ANO6: variants seen among roughly 807,000 people sequenced by gnomAD.
ANO6 encodes the protein anoctamin 6, also known as anoctamin-6.
ANO6 carries 106 observed loss-of-function variants against 117.5 expected under a neutral mutation model. That is an observed-to-expected ratio of 0.90 (90% CI 0.77 to 1.06). ANO6 has a LOEUF of 1.06. Ranked by LOEUF, ANO6 falls within the 50% of genes least tolerant of loss-of-function variation. The pLI, the probability that ANO6 is intolerant of heterozygous loss-of-function variation, is 0.00. For synonymous variants in ANO6, 367 were observed against 385.1 expected, an observed-to-expected ratio of 0.95 and a Z score of 0.55; for missense variants, 955 against 1,121.1, an observed-to-expected ratio of 0.85 and a Z score of 2.12.
At chr12:45,400,505 A>C (rs187741884) in intron 12 of ANO6, among the ~76,000 whole-genome samples, 65 of 152,298 alleles carry the variant, frequency 4.3e-4, no homozygotes, top group African/African-American at 1.3e-3. Flanking sequence ...AGCAAGAAAA[A>C]CATCTTTTTT....
chr12:45,275,636 T>C (rs1443410743), intron 1 of ANO6, among the ~76,000 whole-genome samples: 2 of 152,236 alleles, frequency 1.3e-5, no homozygotes, highest in Non-Finnish European at 2.9e-5. Flanking sequence ...AAATTGATTG[T>C]GGCAGAGTCA....
rs560947950 is a variant in ANO6 at position 45,387,174 on chromosome 12, G to A, written c.1166-987G>A. Among the ~76,000 whole-genome samples, 78 of 152,242 alleles carry A rather than the reference G, an allele frequency of 5.1e-4. 2 individuals carry two copies. The highest frequency in any genetic ancestry group is 1.8e-3 in the African/African-American group (74 of 41,548). ...TTTTTATAGGAAGGACTTAGGGTTC[G>A]CAGTCTGATTAGAAGAAGGGCATGG... On this transcript the variant is annotated intron_variant, in intron 10 of 19. Coordinates refer to ENST00000320560, the MANE Select transcript of ANO6 (RefSeq NM_001025356.3).
intron 1 of ANO6, among the ~76,000 whole-genome samples, chr12:45,286,712 A>G (rs1046088493): frequency 8.5e-5 from 13 of 152,186 alleles, no homozygotes; most frequent in Admixed American, 7.9e-4. Context: ...TTCCCCTCTC[A>G]TTTGCAATAC....
At position 45,416,779 on chromosome 12, in the gene ANO6, G is replaced by C; in HGVS notation, c.2092G>C (p.Glu698Gln). 6.2e-7 allele frequency: 1 copy of C among 1,614,082 alleles called. No homozygotes were observed. The highest frequency in any genetic ancestry group is 1.1e-5 in the South Asian group (1 of 91,076). The change falls in exon 17 of 20, where the codon GAA becomes CAA. Residue 698 changes from glutamate (E) to glutamine (Q), a missense_variant. Physicochemically the swap from Glu to Gln is conservative, Grantham distance 29 (BLOSUM62 2). Coordinates refer to ENST00000320560, the MANE Select transcript of ANO6 (RefSeq NM_001025356.3). ...PLLALVNNILEIRVDAWKLTT... is the reference protein window; with the variant it reads ...PLLALVNNILQIRVDAWKLTT... ...GTTGGCTCTCGTGAACAATATATTG[G>C]AAATAAGAGTGGACGCATGGAAACT...
chr12:45,227,998 A>T (rs140267619), intron 1 of ANO6, among the ~76,000 whole-genome samples: 108 of 152,264 alleles, frequency 7.1e-4, no homozygotes, highest in African/African-American at 2.5e-3. Context: ...CTTTCAGGGA[A>T]ATCTTAGCAA....
chr12:45,399,711 T>TAA (rs1942733879), intron 12 of ANO6, among the ~76,000 whole-genome samples: 2 of 152,126 alleles, frequency 1.3e-5, no homozygotes, highest in South Asian at 4.1e-4. Flanking sequence ...ACCCCAGGGC[T>TAA]AAAAACAGAG....
intron 16 of ANO6, among the ~76,000 whole-genome samples, chr12:45,412,594 C>T (rs1943113870): frequency 6.6e-6 from 1 of 152,162 alleles, no homozygotes; most frequent in Non-Finnish European, 1.5e-5. Context: ...CTGCTTGGTT[C>T]GAGCCCATCA....
intron 11 of ANO6, 129 bp from the exon 12 acceptor site, chr12:45,390,292 G>A (rs921759452): frequency 1.4e-5 from 11 of 778,914 alleles, no homozygotes; most frequent in Non-Finnish European, 2.0e-5. Flanking sequence ...GTGCAATTAT[G>A]AGTAAGGAGA....
At chr12:45,353,936 G>GTT (rs1941346657) in intron 7 of ANO6, among the ~76,000 whole-genome samples, 1 of 142,824 alleles carries the variant, frequency 7.0e-6, no homozygotes, top group African/African-American at 3.0e-5. Flanking sequence ...AAATTATGCA[G>GTT]AGCATAGAGC....
At chr12:45,331,204 A>G (rs1940650236) in intron 2 of ANO6, 91 bp from the exon 3 acceptor site, 1 of 1,192,298 alleles carries the variant, frequency 8.4e-7, no homozygotes, top group Non-Finnish European at 1.2e-6. Context: ...CTCTTTCACA[A>G]TAAACCTATT....
At chr12:45,378,449 C>G (rs1347620405) in intron 10 of ANO6, among the ~76,000 whole-genome samples, 1 of 152,052 alleles carries the variant, frequency 6.6e-6, no homozygotes, top group Non-Finnish European at 1.5e-5. Context: ...CAACTAGAAA[C>G]CCGGTTTGGT....
chr12:45,304,625 A>G (rs531880264), intron 2 of ANO6, among the ~76,000 whole-genome samples: 1 of 152,346 alleles, frequency 6.6e-6, no homozygotes, highest in East Asian at 1.9e-4. Context: ...AGAAGGATCA[A>G]GAGCCTAGTG....
chr12:45,227,438 A>G (rs1184552695), intron 1 of ANO6, among the ~76,000 whole-genome samples: 3 of 152,150 alleles, frequency 2.0e-5, no homozygotes, highest in Non-Finnish European at 4.4e-5. Flanking sequence ...ACCTTGTGCC[A>G]TGTCCCCTAG....
chr12:45,411,538 A>T (rs1943086000), intron 16 of ANO6, among the ~76,000 whole-genome samples: 1 of 152,206 alleles, frequency 6.6e-6, no homozygotes, highest in African/African-American at 2.4e-5. Context: ...TTCCCTAGAA[A>T]TAAACATTGA....
chr12:45,268,828 A>G (rs1204371770), intron 1 of ANO6, among the ~76,000 whole-genome samples: 1 of 152,218 alleles, frequency 6.6e-6, no homozygotes, highest in Non-Finnish European at 1.5e-5. Context: ...TGGATCATTA[A>G]CGGGCATAGA....
chr12:45,250,307 T>TAATTA (rs779170610), intron 1 of ANO6, among the ~76,000 whole-genome samples: 5 of 152,144 alleles, frequency 3.3e-5, no homozygotes, highest in East Asian at 3.8e-4. Flanking sequence ...TATTCCATGC[T>TAATTA]CTCCAAATAG....
At position 45,401,890 on chromosome 12, in the gene ANO6, A is replaced by G. The variant is rs1942799608; in HGVS notation, c.1482A>G (p.Gly494=). 1 of 1,613,968 alleles carries G rather than the reference A, an allele frequency of 6.2e-7. No homozygotes were observed. Among genetic ancestry groups the G allele is most frequent in the African/African-American group, 1.3e-5 (1 of 74,908 alleles). The change falls in exon 13 of 20, where the codon GGA becomes GGG. Residue 494 remains glycine, a synonymous_variant. Transcript: ENST00000320560. The part of the protein sequence containing the change: ...FSAKLPKNIN[G]TDPIQKYLTP... ...CAAAACTTCCCAAGAACATTAATGGAACAGACCCAATCCAGAAATACCTGA... is the reference window on the plus strand; with the variant it reads ...CAAAACTTCCCAAGAACATTAATGGGACAGACCCAATCCAGAAATACCTGA...
intron 2 of ANO6, among the ~76,000 whole-genome samples, chr12:45,306,320 G>C (rs1425728851): frequency 6.6e-6 from 1 of 152,052 alleles, no homozygotes; most frequent in Non-Finnish European, 1.5e-5. Flanking sequence ...ACGAAATTTG[G>C]AATAAATAAT....
chr12:45,427,355 T>C (rs1455626250), intron 19 of ANO6, among the ~76,000 whole-genome samples: 5 of 152,096 alleles, frequency 3.3e-5, no homozygotes, highest in Non-Finnish European at 5.9e-5. Context: ...TCTCTTCTCG[T>C]CACCTGCTCC....
Sources: allele counts gnomAD v4.1 joint callset (sites outside exome capture counted in the v4.1 genomes callset), GRCh38; gene constraint gnomAD v4.1.1; transcripts MANE v1.5; gene names NCBI Gene and HGNC (gene_info 2026-07-23, HGNC 2026-07-21).